Variants in SLC9A9 observed in about 807,000 individuals in gnomAD.
SLC9A9 encodes solute carrier family 9 member A9, also known as sodium/hydrogen exchanger 9.
In SLC9A9, 62 loss-of-function variants were observed where a neutral mutation model predicts 77.8. The observed-to-expected ratio is 0.80, with a 90% CI of 0.65 to 0.98. The LOEUF (loss-of-function observed/expected upper bound fraction) is 0.98, where lower values mean the gene tolerates loss of function less well. SLC9A9 is among the 50% of genes least tolerant of loss of function. The pLI, the probability that SLC9A9 is intolerant of heterozygous loss-of-function variation, is 0.00. For missense variants in SLC9A9, 775 were observed against 774.9 expected, an observed-to-expected ratio of 1.00 and a Z score of 0.00; for synonymous variants, 320 against 283.5, an observed-to-expected ratio of 1.13 and a Z score of -1.29.
At chr3:143,719,131 A>T (rs1486317590) in intron 4 of SLC9A9, among the ~76,000 whole-genome samples, 1 of 152,160 alleles carries the variant, frequency 6.6e-6, no homozygotes, top group Non-Finnish European at 1.5e-5. Context: ...GAGAAGCTTT[A>T]TCTGTGGGCA....
At chr3:143,273,238 C>T (rs967423074) in intron 14 of SLC9A9, among the ~76,000 whole-genome samples, 1 of 152,246 alleles carries the variant, frequency 6.6e-6, no homozygotes, top group Non-Finnish European at 1.5e-5. Flanking sequence ...CTTTGAAGGA[C>T]TAAACTCCAT....
intron 12 of SLC9A9, among the ~76,000 whole-genome samples, chr3:143,393,477 A>G (rs1239766597): frequency 6.6e-6 from 1 of 152,258 alleles, no homozygotes; most frequent in African/African-American, 2.4e-5. Context: ...TTATAGCACT[A>G]AATGCCTACA....
At chr3:143,474,852 T>C (rs1036988723) in intron 11 of SLC9A9, among the ~76,000 whole-genome samples, 1 of 152,138 alleles carries the variant, frequency 6.6e-6, no homozygotes, top group African/African-American at 2.4e-5. Context: ...TTGCAGCTTT[T>C]CCCACCTGCA....
At chr3:143,535,437 A>T (rs902222786) in intron 9 of SLC9A9, among the ~76,000 whole-genome samples, 4 of 152,198 alleles carry the variant, frequency 2.6e-5, no homozygotes, top group Admixed American at 2.6e-4. Context: ...CCAGTTGAAC[A>T]TTATCAGTAA....
At chr3:143,780,230 A>G (rs1251808304) in intron 4 of SLC9A9, among the ~76,000 whole-genome samples, 1 of 152,234 alleles carries the variant, frequency 6.6e-6, no homozygotes, top group Non-Finnish European at 1.5e-5. Context: ...TAAAAAATCA[A>G]TAGGAAAAAC....
intron 4 of SLC9A9, among the ~76,000 whole-genome samples, chr3:143,745,941 A>G (rs555292813): frequency 6.6e-6 from 1 of 152,240 alleles, no homozygotes; most frequent in Admixed American, 6.5e-5. Context: ...GGATGAAAAG[A>G]AAGAGACAGG....
chr3:143,805,431 A>T (rs141742590), intron 2 of SLC9A9, among the ~76,000 whole-genome samples: 3 of 152,074 alleles, frequency 2.0e-5, no homozygotes, highest in African/African-American at 7.2e-5. Flanking sequence ...CCAACACTTC[A>T]ATACTATTTT....
At chr3:143,387,817 T>C (rs2108502544) in intron 12 of SLC9A9, among the ~76,000 whole-genome samples, 1 of 152,238 alleles carries the variant, frequency 6.6e-6, no homozygotes, top group Admixed American at 6.5e-5. Flanking sequence ...GTTGGGTTTT[T>C]CTTAGAGGGA....
chr3:143,810,438 T>A (rs1227179057), intron 2 of SLC9A9, among the ~76,000 whole-genome samples: 1 of 152,216 alleles, frequency 6.6e-6, no homozygotes, highest in Non-Finnish European at 1.5e-5. Flanking sequence ...CAAAGAGGTC[T>A]TTTAAAAACA....
Position 143,786,559 on chromosome 3 carries a change from T to C in SLC9A9, c.533+8442A>G, listed in dbSNP as rs202175446. The stretch of plus-strand genomic sequence containing the variant: ...ATGATCTCCACAGTCCTCTCCATTC[T>C]ACCTTTTGTTTCTTTTTCCCAAAAC... On this transcript the variant is annotated intron_variant, in intron 4 of 15. Coordinates refer to ENST00000316549, the MANE Select transcript of SLC9A9 (RefSeq NM_173653.4). Among the ~76,000 whole-genome samples, 151 of 152,328 alleles carry C rather than the reference T, an allele frequency of 9.9e-4. 1 individual carries two copies. Among genetic ancestry groups the C allele is most frequent in the Admixed American group, 7.1e-3 (109 of 15,300 alleles).
chr3:143,815,817 G>A (rs2008998478), intron 2 of SLC9A9, among the ~76,000 whole-genome samples: 1 of 152,072 alleles, frequency 6.6e-6, no homozygotes, highest in Admixed American at 6.5e-5. Flanking sequence ...AGTGAGCCGG[G>A]ATCGTGCCAC....
At chr3:143,485,873 TA>T (rs951998734) in intron 11 of SLC9A9, among the ~76,000 whole-genome samples, 53 of 150,100 alleles carry the variant, frequency 3.5e-4, no homozygotes, top group Admixed American at 1.1e-3. Flanking sequence ...TTGAGAAAGT[TA>T]AAAAAAAAGA....
chr3:143,750,670 A>T (rs1171087048), intron 4 of SLC9A9, among the ~76,000 whole-genome samples: 1 of 151,198 alleles, frequency 6.6e-6, no homozygotes, highest in Non-Finnish European at 1.5e-5. Flanking sequence ...AATAACTGAT[A>T]ATATTGTATA....
At chr3:143,720,861 T>C (rs1192304097) in intron 4 of SLC9A9, among the ~76,000 whole-genome samples, 1 of 152,220 alleles carries the variant, frequency 6.6e-6, no homozygotes, top group Non-Finnish European at 1.5e-5. Flanking sequence ...ATAACCAATT[T>C]ACTATTTTAA....
At chr3:143,692,133 C>T (rs1008901949) in intron 5 of SLC9A9, among the ~76,000 whole-genome samples, 4 of 151,882 alleles carry the variant, frequency 2.6e-5, no homozygotes, top group Non-Finnish European at 4.4e-5. Context: ...GAGCTATATT[C>T]GATTCAACCA....
At chr3:143,613,147 A>G (rs1341488022) in intron 6 of SLC9A9, among the ~76,000 whole-genome samples, 1 of 152,230 alleles carries the variant, frequency 6.6e-6, no homozygotes, top group Non-Finnish European at 1.5e-5. Flanking sequence ...TTACCTTTCC[A>G]TCTTTATGCT....
intron 4 of SLC9A9, among the ~76,000 whole-genome samples, chr3:143,793,261 A>T (rs140455614): frequency 1.0e-3 from 153 of 152,344 alleles, no homozygotes; most frequent in African/African-American, 3.5e-3. Flanking sequence ...ACACACACAC[A>T]CACACAGTAT....
chr3:143,511,040 T>C (rs975861608), intron 9 of SLC9A9, among the ~76,000 whole-genome samples: 3 of 152,174 alleles, frequency 2.0e-5, no homozygotes, highest in Non-Finnish European at 4.4e-5. Flanking sequence ...AGATCCTCCA[T>C]CTTCCATTAG....
intron 9 of SLC9A9, among the ~76,000 whole-genome samples, chr3:143,498,180 G>C (rs921809056): frequency 6.6e-6 from 1 of 152,116 alleles, no homozygotes; most frequent in African/African-American, 2.4e-5. Context: ...TTGCATTAAG[G>C]TCCGTTTTTG....
Sources: gnomAD v4.1 joint callset for allele counts (sites outside exome capture counted in the v4.1 genomes callset) on GRCh38, gnomAD v4.1.1 for gene constraint, MANE v1.5 for transcripts, NCBI Gene and HGNC (gene_info 2026-07-23, HGNC 2026-07-21) for gene names.